SH3BP5: variants seen among roughly 807,000 people sequenced by gnomAD.
The protein encoded by SH3BP5 is SH3 domain-binding protein 5.
SH3BP5 carries 22 observed loss-of-function variants against 43.3 expected under a neutral mutation model. The ratio of observed to expected loss-of-function variants is 0.51; its 90% CI spans 0.36 to 0.73. SH3BP5 has a LOEUF of 0.73. Among genes scored for constraint, SH3BP5 ranks in the 30% least tolerant of loss-of-function variants. The pLI is 0.00. For synonymous variants in SH3BP5, 255 were observed against 225.8 expected, an observed-to-expected ratio of 1.13 and a Z score of -1.16; for missense variants, 529 against 586.9, an observed-to-expected ratio of 0.90 and a Z score of 1.02.
chr3:15,322,196 C>T (rs1293647179), intron 2 of SH3BP5, among the ~76,000 whole-genome samples: 1 of 150,572 alleles, frequency 6.6e-6, no homozygotes, highest in Non-Finnish European at 1.5e-5. Flanking sequence ...CAGTGAGACT[C>T]CATCTCAAAA....
Position 15,258,952 on chromosome 3 carries a change from C to G in SH3BP5, c.768G>C (p.Glu256Asp). The change falls in exon 7 of 9, where the codon GAG (glutamate) becomes GAC (aspartate). Residue 256 changes from glutamate to aspartate, a missense_variant. Glu to Asp is a conservative substitution (Grantham distance 45). This residue lies in a region of SH3BP5 where 369 missense variants were observed against 384.3 expected (regional missense o/e 0.96). Coordinates refer to ENST00000383791, the MANE Select transcript of SH3BP5 (RefSeq NM_004844.5). ...CACTGGAGCGCCGCCGCTCGTGGAT[C>G]TCATCTGAGATCATCTCCAGGTTCT... ...ALKNLEMISD[E>D]IHERRRSSAM... 6.2e-7 allele frequency: 1 copy of G among 1,614,216 alleles called. No homozygotes were observed. Among genetic ancestry groups the G allele is most frequent in the East Asian group, 2.2e-5 (1 of 44,882 alleles).
At chr3:15,322,587 C>G (rs979250687) in intron 2 of SH3BP5, among the ~76,000 whole-genome samples, 5 of 151,688 alleles carry the variant, frequency 3.3e-5, no homozygotes, top group Admixed American at 2.0e-4. Flanking sequence ...CCTGTAATCC[C>G]AACACTTTGG....
At chr3:15,279,672 G>A (rs1411134737) in intron 3 of SH3BP5, among the ~76,000 whole-genome samples, 5 of 152,128 alleles carry the variant, frequency 3.3e-5, no homozygotes, top group Admixed American at 1.3e-4. Flanking sequence ...TTACACTGTT[G>A]TCTATTTTGC....
intron 2 of SH3BP5, among the ~76,000 whole-genome samples, chr3:15,307,684 C>T (rs1263097379): frequency 1.3e-5 from 2 of 152,344 alleles, no homozygotes; most frequent in South Asian, 2.1e-4. Flanking sequence ...TTCCCAGAGG[C>T]GAGGGCAGCT....
At chr3:15,329,767 C>G (rs559066268) in intron 2 of SH3BP5, among the ~76,000 whole-genome samples, 2 of 152,218 alleles carry the variant, frequency 1.3e-5, no homozygotes, top group African/African-American at 2.4e-5. Flanking sequence ...AGTCAATTCA[C>G]AGTCTCCTGA....
At chr3:15,314,178 G>C (rs981613970) in intron 2 of SH3BP5, among the ~76,000 whole-genome samples, 1 of 151,808 alleles carries the variant, frequency 6.6e-6, no homozygotes, top group African/African-American at 2.4e-5. Context: ...TGTCGCCAGG[G>C]CTGGAGTGCA....
chr3:15,332,495 C>T lies in SH3BP5; in HGVS notation c.-87G>A. 2 of 1,343,478 alleles carry T rather than the reference C, an allele frequency of 1.5e-6. No homozygotes were observed. Among genetic ancestry groups the T allele is most frequent in the Admixed American group, 4.1e-5 (1 of 24,454 alleles). The allele number at this position is 1,343,478 out of a possible 1,614,324, so 83.2% of individuals were successfully genotyped here. On this transcript the variant is annotated 5_prime_UTR_variant, in exon 1 of 9. Coordinates refer to ENST00000383791, the MANE Select transcript of SH3BP5 (RefSeq NM_004844.5). ...CACAGGCTGGGCTGGAGCCGCCTCG[C>T]CACAGCCGGGCACGGTCGGGGAGCC...
At chr3:15,285,179 T>C (rs567667486) in intron 3 of SH3BP5, among the ~76,000 whole-genome samples, 1 of 152,312 alleles carries the variant, frequency 6.6e-6, no homozygotes, top group African/African-American at 2.4e-5. Flanking sequence ...GAAATGATAA[T>C]CCACAAACAA....
chr3:15,258,306 A>G (rs940530137), intron 7 of SH3BP5: 2 of 152,330 alleles, frequency 1.3e-5, no homozygotes, highest in African/African-American at 4.8e-5. Flanking sequence ...AGAGGTCTCT[A>G]TGGTCAGATG....
At chr3:15,301,575 G>T (rs1434683525) in intron 3 of SH3BP5, among the ~76,000 whole-genome samples, 1 of 152,138 alleles carries the variant, frequency 6.6e-6, no homozygotes, top group African/African-American at 2.4e-5. Context: ...GGGATGGTGG[G>T]CTGGGAGTTA....
intron 3 of SH3BP5, among the ~76,000 whole-genome samples, chr3:15,295,051 C>G (rs1344336292): frequency 6.6e-6 from 1 of 152,160 alleles, no homozygotes; most frequent in East Asian, 1.9e-4. Context: ...TCAAGCCTTT[C>G]CCCTCAAGCC....
At chr3:15,303,667 A>T (rs1358975708) in intron 3 of SH3BP5, among the ~76,000 whole-genome samples, 1 of 151,908 alleles carries the variant, frequency 6.6e-6, no homozygotes, top group Non-Finnish European at 1.5e-5. Flanking sequence ...AGTGTATAAC[A>T]ACTCACCTGC....
intron 2 of SH3BP5, 104 bp downstream of exon 2, chr3:15,330,400 G>A (rs1037113388): frequency 7.7e-6 from 7 of 908,664 alleles, no homozygotes; most frequent in South Asian, 5.5e-5. Flanking sequence ...TCCCAAGGAG[G>A]GGGGTCCAGC....
Position 15,259,820 on chromosome 3 carries a change from G to T in SH3BP5, c.627-17C>A. On this transcript the variant is annotated splice_polypyrimidine_tract_variant and intron_variant, in intron 5 of 8. Transcript: ENST00000383791. ...AAATAAGGCCTGCAGAAGACAGGAA[G>T]GAAAGCCATCAGAGTAATATAATAC... is the stretch of plus-strand genomic sequence containing the variant. The T allele has an allele frequency of 6.2e-7, 1 of 1,612,982 alleles. No individual in the cohort carries two copies. The highest frequency in any genetic ancestry group is 8.5e-7 in the Non-Finnish European group (1 of 1,178,932).
intron 3 of SH3BP5, among the ~76,000 whole-genome samples, chr3:15,293,705 C>T (rs1486648686): frequency 6.6e-6 from 1 of 152,216 alleles, no homozygotes; most frequent in East Asian, 1.9e-4. Flanking sequence ...TTTAAACCTT[C>T]ACTCCTGTCC....
At chr3:15,291,658 A>C (rs1213405981) in intron 3 of SH3BP5, among the ~76,000 whole-genome samples, 1 of 152,204 alleles carries the variant, frequency 6.6e-6, no homozygotes, top group Non-Finnish European at 1.5e-5. Flanking sequence ...CTTAGTGTAA[A>C]GGGTGTAGTT....
upstream of SH3BP5, among the ~76,000 whole-genome samples, chr3:15,335,616 A>G (rs1698692629): frequency 6.6e-6 from 1 of 152,154 alleles, no homozygotes; most frequent in Non-Finnish European, 1.5e-5. Context: ...AATAAAGTAT[A>G]CAGGAGGTTG....
intron 2 of SH3BP5, among the ~76,000 whole-genome samples, chr3:15,326,935 T>C (rs1399061461): frequency 1.3e-5 from 2 of 152,184 alleles, no homozygotes; most frequent in African/African-American, 4.8e-5. Context: ...TGTCTTTTAA[T>C]GGAAACTGAA....
At chr3:15,256,791 A>G (rs1416485411) in intron 8 of SH3BP5, 62 bp downstream of exon 8, 2 of 1,543,214 alleles carry the variant, frequency 1.3e-6, no homozygotes, top group Non-Finnish European at 1.8e-6. Flanking sequence ...ATGGAATGGC[A>G]CAACAGTCAG....
Sources: gnomAD v4.1 joint callset for allele counts (sites outside exome capture counted in the v4.1 genomes callset) on GRCh38, gnomAD v4.1.1 for gene constraint, gnomAD v4.1.1 regional missense constraint, MANE v1.5 for transcripts, NCBI Gene and HGNC (gene_info 2026-07-23, HGNC 2026-07-21) for gene names.